The following ARFGEF2 variants were observed in gnomAD, a reference collection of about 807,000 sequenced individuals.
ARFGEF2 encodes brefeldin A-inhibited guanine nucleotide-exchange protein 2.
Under a neutral mutation model 219.9 loss-of-function variants are expected in ARFGEF2, and 74 were observed. The observed-to-expected ratio is 0.34, with a 90% CI of 0.28 to 0.41. The LOEUF (loss-of-function observed/expected upper bound fraction) is 0.41. ARFGEF2 is among the 10% of genes least tolerant of loss of function. ARFGEF2 has a pLI of 1.00. For missense variants in ARFGEF2, 1,743 were observed against 2,218.3 expected (o/e 0.79, Z 4.30); for synonymous variants, 733 against 799.2 (o/e 0.92, Z 1.40).
rs1179552636 is a variant in ARFGEF2 at position 49,028,576 on chromosome 20, C to T, written c.4971C>T (p.Ser1657=). ...CCAATCTTCTAAAACAAGAAACCAGCAGCCTGGCCTGTTGTTTGAGGATCC... is the reference window on the plus strand; with the variant it reads ...CCAATCTTCTAAAACAAGAAACCAGTAGCCTGGCCTGTTGTTTGAGGATCC... The part of the protein sequence containing the change: ...SKPNLLKQET[S]SLACCLRILF... The change falls in exon 37 of 39, where the codon AGC becomes AGT. Residue 1657 remains serine, a synonymous_variant. Coordinates refer to ENST00000371917, the MANE Select transcript of ARFGEF2 (RefSeq NM_006420.3). The T allele has an allele frequency of 6.2e-7, 1 of 1,614,162 alleles. No homozygotes were observed. The highest frequency in any genetic ancestry group is 2.2e-5 in the East Asian group (1 of 44,890).
chr20:48,972,252 C>T, intron 10 of ARFGEF2, 74 bp from the exon 11 acceptor site: 1 of 1,080,520 alleles, frequency 9.3e-7, no homozygotes, highest in Non-Finnish European at 1.4e-6. Flanking sequence ...GGGTTGGCTG[C>T]TGAAGACTTT....
intron 2 of ARFGEF2, 123 bp downstream of exon 2, chr20:48,941,352 C>A: frequency 1.9e-6 from 2 of 1,028,028 alleles, no homozygotes; most frequent in Non-Finnish European, 3.0e-6. Flanking sequence ...ACACACTCTG[C>A]AAGCATGGTG....
At chr20:48,962,698 C>G (rs1480593292) in intron 6 of ARFGEF2, among the ~76,000 whole-genome samples, 1 of 152,138 alleles carries the variant, frequency 6.6e-6, no homozygotes, top group Non-Finnish European at 1.5e-5. Flanking sequence ...GTATTTCCCA[C>G]ACGAATTTAC....
intron 1 of ARFGEF2, among the ~76,000 whole-genome samples, chr20:48,922,904 G>A (rs887469195): frequency 1.3e-5 from 2 of 152,252 alleles, no homozygotes; most frequent in East Asian, 1.9e-4. Flanking sequence ...TCGAATAGAG[G>A]AGACAAAATA....
chr20:48,974,188 C>T (rs915779763), intron 12 of ARFGEF2, among the ~76,000 whole-genome samples: 6 of 135,418 alleles, frequency 4.4e-5, no homozygotes, highest in Admixed American at 8.1e-5. Flanking sequence ...TGCAGTGGCG[C>T]GATCTCAGCT....
intron 8 of ARFGEF2, among the ~76,000 whole-genome samples, chr20:48,967,515 A>G (rs1286094737): frequency 6.6e-6 from 1 of 152,210 alleles, no homozygotes; most frequent in Non-Finnish European, 1.5e-5. Flanking sequence ...CTGTATTCCC[A>G]GCTACTCAGG....
intron 8 of ARFGEF2, among the ~76,000 whole-genome samples, chr20:48,968,937 T>C (rs910077859): frequency 6.6e-6 from 1 of 152,206 alleles, no homozygotes; most frequent in African/African-American, 2.4e-5. Flanking sequence ...TAATTTTTGA[T>C]AAGAGTTAGC....
At chr20:48,990,464 C>T (rs2091351444) in intron 20 of ARFGEF2, among the ~76,000 whole-genome samples, 1 of 152,206 alleles carries the variant, frequency 6.6e-6, no homozygotes, top group African/African-American at 2.4e-5. Flanking sequence ...AGGAGGTTGA[C>T]AATCCCATGC....
chr20:48,984,056 A>G (rs1374142597), intron 14 of ARFGEF2, among the ~76,000 whole-genome samples: 1 of 151,848 alleles, frequency 6.6e-6, no homozygotes, highest in Non-Finnish European at 1.5e-5. Flanking sequence ...AAAAAAAAAA[A>G]GTAGAGAAAG....
chr20:49,015,918 G>T (rs2091527209), intron 30 of ARFGEF2, among the ~76,000 whole-genome samples: 1 of 152,000 alleles, frequency 6.6e-6, no homozygotes, highest in African/African-American at 2.4e-5. Context: ...TTCTCCTATT[G>T]ATTTATGCAT....
chr20:48,946,121 G>A (rs2091024970), intron 3 of ARFGEF2, among the ~76,000 whole-genome samples: 1 of 152,184 alleles, frequency 6.6e-6, no homozygotes, highest in African/African-American at 2.4e-5. Flanking sequence ...TCTTAGAAAT[G>A]GAAGGCCAGC....
chr20:48,961,982 T>C (rs901726088), intron 6 of ARFGEF2, among the ~76,000 whole-genome samples: 1 of 151,134 alleles, frequency 6.6e-6, no homozygotes, highest in African/African-American at 2.4e-5. Context: ...AGTTCAAGAC[T>C]AGCCTGACCA....
intron 37 of ARFGEF2, 103 bp from the exon 38 acceptor site, chr20:49,031,946 T>A: frequency 1.1e-5 from 10 of 937,016 alleles, no homozygotes; most frequent in South Asian, 4.2e-5. Context: ...AAAAAAAACA[T>A]GTTAAAATAA....
In ARFGEF2 at chr20:48,969,151, C is replaced by T. The variant is rs886056752; in HGVS notation, c.1064C>T (p.Ser355Leu). 6 of 1,613,948 alleles carry T rather than the reference C, an allele frequency of 3.7e-6. No homozygotes were observed. Among genetic ancestry groups the T allele is most frequent in the Non-Finnish European group, 5.1e-6 (6 of 1,179,924 alleles). ...QSLSSADNLESDAQGHQVAAR... is the reference protein window; with the variant it reads ...QSLSSADNLELDAQGHQVAAR... ...GATGTTTGTTTCTGATCCTAGGAAT[C>T]GGATGCACAAGGACATCAAGTGGCT... Residue 355 changes from serine (S) to leucine (L), a missense_variant, in exon 9 of 39, where the codon TCG becomes TTG. Ser to Leu is a moderately radical substitution (Grantham distance 145, BLOSUM62 -2). Transcript: ENST00000371917.
intron 27 of ARFGEF2, among the ~76,000 whole-genome samples, chr20:49,010,757 GT>G (rs1189673791): frequency 1.3e-5 from 2 of 152,182 alleles, no homozygotes; most frequent in East Asian, 3.8e-4. Flanking sequence ...GGTGGATTCC[GT>G]GTGTATACTC....
intron 31 of ARFGEF2, 125 bp downstream of exon 31, chr20:49,016,540 G>A (rs181981413): frequency 3.6e-6 from 4 of 1,114,932 alleles, no homozygotes; most frequent in South Asian, 2.7e-5. Context: ...TTGGTGAAAT[G>A]TATACGTTTT....
Position 48,953,584 on chromosome 20 carries a change from C to A in ARFGEF2, c.632C>A (p.Pro211Gln), listed in dbSNP as rs1244078899. Residue 211 changes from proline to glutamine, a missense_variant, in exon 6 of 39, where the codon CCA becomes CAA. Pro to Gln is a moderately conservative substitution (Grantham distance 76, BLOSUM62 -1). Coordinates refer to ENST00000371917, the MANE Select transcript of ARFGEF2 (RefSeq NM_006420.3). ...CAGGAGGCCAGAGAACTGGAAAAACCAATCCAGTCAAAACCCCAGTCCCCT... is the reference window on the plus strand; with the variant it reads ...CAGGAGGCCAGAGAACTGGAAAAACAAATCCAGTCAAAACCCCAGTCCCCT... ...VLQEARELEK[P>Q]IQSKPQSPVI... 2.5e-6 allele frequency: 4 copies of A among 1,614,128 alleles called. No individual in the cohort carries two copies. In the South Asian group the frequency reaches 4.4e-5, roughly 18 times the overall value.
chr20:48,995,639 T>A, intron 22 of ARFGEF2, 144 bp from the exon 23 acceptor site: 2 of 748,250 alleles, frequency 2.7e-6, no homozygotes, highest in Admixed American at 4.0e-5. Flanking sequence ...AATTTTATCA[T>A]CAGTGGGTTT....
At chr20:48,952,912 G>A (rs757779687) in intron 5 of ARFGEF2, 28 bp downstream of exon 5, 15 of 1,611,454 alleles carry the variant, frequency 9.3e-6, no homozygotes, top group Non-Finnish European at 1.1e-5. Flanking sequence ...CGTGCTAGGG[G>A]CAAGACATCA....
Sources: allele counts gnomAD v4.1 joint callset (sites outside exome capture counted in the v4.1 genomes callset), GRCh38; gene constraint gnomAD v4.1.1; transcripts MANE v1.5; gene names NCBI Gene and HGNC (gene_info 2026-07-23, HGNC 2026-07-21).